Variants in CFTR observed in about 807,000 individuals in gnomAD.
The protein encoded by CFTR is cystic fibrosis transmembrane conductance regulator.
In CFTR, 181 loss-of-function variants were observed where a neutral mutation model predicts 171.6. The observed-to-expected ratio is 1.05, with a 90% CI of 0.93 to 1.19. The LOEUF is 1.19. Ranked by LOEUF, CFTR falls within the 50% of genes most tolerant of loss-of-function variation. CFTR has a pLI of 0.00. For synonymous variants in CFTR, 583 were observed against 608.0 expected (o/e 0.96, Z 0.60); for missense variants, 1,968 against 1,734.7 (o/e 1.13, Z -2.39).
chr7:117,508,134 G>A (rs1289662550), intron 2 of CFTR, among the ~76,000 whole-genome samples: 1 of 152,190 alleles, frequency 6.6e-6, no homozygotes, highest in African/African-American at 2.4e-5. Flanking sequence ...ACAGTAATGG[G>A]AATAACCACT....
At chr7:117,489,385 T>C (rs576167686) in intron 1 of CFTR, among the ~76,000 whole-genome samples, 2 of 152,128 alleles carry the variant, frequency 1.3e-5, no homozygotes, top group African/African-American at 4.8e-5. Flanking sequence ...TGTGTATAGT[T>C]AATGTAGTGC....
rs1489718292 is a variant in CFTR at position 117,490,539 on chromosome 7, G to A, written c.53+10392G>A. Among the ~76,000 whole-genome samples the A allele has an allele frequency of 2.6e-5, 4 of 151,894 alleles. No individual in the cohort carries two copies. In the South Asian group the frequency reaches 6.2e-4, roughly 24 times the overall value. Reference sequence around the variant, plus strand: ...TTTTGTTCTATACAGGCCTTCAACCGATTGGATGAAGTTCACCTTTATTAG... The same window carrying A: ...TTTTGTTCTATACAGGCCTTCAACCAATTGGATGAAGTTCACCTTTATTAG... On this transcript the variant is annotated intron_variant, in intron 1 of 26. Coordinates refer to ENST00000003084, the MANE Select transcript of CFTR (RefSeq NM_000492.4).
At position 117,590,350 on chromosome 7, in the gene CFTR, T is replaced by A; in HGVS notation, c.1680-3T>A. Reference sequence around the variant, plus strand: ...TGTAATTTAATTTCCATTTTCTTTTTAGAGCAGTATACAAAGATGCTGATT... The same window carrying A: ...TGTAATTTAATTTCCATTTTCTTTTAAGAGCAGTATACAAAGATGCTGATT... On this transcript the variant is annotated splice_polypyrimidine_tract_variant and splice_region_variant and intron_variant, in intron 12 of 26. Transcript: ENST00000003084. The A allele has an allele frequency of 6.2e-7, 1 of 1,602,132 alleles. No individual in the cohort carries two copies.
intron 11 of CFTR, among the ~76,000 whole-genome samples, chr7:117,563,698 G>A (rs973501183): frequency 2.0e-5 from 3 of 152,254 alleles, no homozygotes; most frequent in Middle Eastern, 3.4e-3. Flanking sequence ...ACTAGTGGAG[G>A]ATGCCACTAG....
At chr7:117,570,780 T>G (rs556607268) in intron 11 of CFTR, among the ~76,000 whole-genome samples, 1 of 152,332 alleles carries the variant, frequency 6.6e-6, no homozygotes, top group East Asian at 1.9e-4. Flanking sequence ...TGTAGCAGTA[T>G]TATTAAACTA....
chr7:117,653,742 T>G (rs111851741), intron 24 of CFTR, among the ~76,000 whole-genome samples: 3 of 152,316 alleles, frequency 2.0e-5, no homozygotes, highest in Non-Finnish European at 2.9e-5. Flanking sequence ...CTTAACTTGT[T>G]CCAGCATCAA....
chr7:117,513,735 G>T (rs927068815), intron 3 of CFTR, among the ~76,000 whole-genome samples: 3 of 152,108 alleles, frequency 2.0e-5, no homozygotes, highest in African/African-American at 7.2e-5. Context: ...GCTATCTCCA[G>T]CAAATCTTCT....
chr7:117,594,263 C>T (rs1045010866), intron 14 of CFTR, among the ~76,000 whole-genome samples: 1 of 152,182 alleles, frequency 6.6e-6, no homozygotes, highest in Admixed American at 6.5e-5. Context: ...CTTTGTGATT[C>T]ATAGCACTTT....
chr7:117,661,826 T>A (rs997521932), intron 24 of CFTR, among the ~76,000 whole-genome samples: 3 of 152,108 alleles, frequency 2.0e-5, no homozygotes, highest in Non-Finnish European at 2.9e-5. Flanking sequence ...AATATTATTA[T>A]TTTCTCCATT....
At chr7:117,494,798 ATCAC>A (rs1349542587) in intron 1 of CFTR, among the ~76,000 whole-genome samples, 1 of 152,172 alleles carries the variant, frequency 6.6e-6, no homozygotes, top group East Asian at 1.9e-4. Context: ...ATATCCTTAT[ATCAC>A]TCATGTGATT....
At chr7:117,579,379 G>C (rs1264757973) in intron 11 of CFTR, among the ~76,000 whole-genome samples, 8 of 151,740 alleles carry the variant, frequency 5.3e-5, no homozygotes, top group African/African-American at 1.9e-4. Flanking sequence ...CACCTAAGAA[G>C]AAAAAATAAA....
At chr7:117,587,155 G>A (rs1302216486) in intron 11 of CFTR, among the ~76,000 whole-genome samples, 1 of 152,142 alleles carries the variant, frequency 6.6e-6, no homozygotes, top group Non-Finnish European at 1.5e-5. Flanking sequence ...ATGGAGAGAG[G>A]TCGTGAGAAT....
chr7:117,593,725 A>G (rs1308324488), intron 14 of CFTR, among the ~76,000 whole-genome samples: 2 of 152,074 alleles, frequency 1.3e-5, no homozygotes, highest in Non-Finnish European at 2.9e-5. Context: ...CCTCCTGAGT[A>G]GCTGAGATTA....
chr7:117,587,587 G>T lies in CFTR; in HGVS notation c.1585-152G>T, dbSNP rs34114986. The T allele has an allele frequency of 2.6e-3, 1,415 of 551,514 alleles. 14 individuals are homozygous for T. The highest frequency in any genetic ancestry group is 0.023 in the African/African-American group (1,237 of 52,722). 34.2% of individuals were successfully genotyped at this position (551,514 alleles called of 1,614,324 possible). ...TTGTTTTTGACCAACTAAATAAATT[G>T]CATTTGAAATAATGGAGATGCAATG... is the stretch of plus-strand genomic sequence containing the variant. On this transcript the variant is annotated intron_variant, in intron 11 of 26. Coordinates refer to ENST00000003084, the MANE Select transcript of CFTR (RefSeq NM_000492.4).
intron 1 of CFTR, among the ~76,000 whole-genome samples, chr7:117,503,658 C>T (rs1798367170): frequency 6.6e-6 from 1 of 152,060 alleles, no homozygotes; most frequent in African/African-American, 2.4e-5. Context: ...AGTGAGGAGA[C>T]AAAACATAAG....
intron 24 of CFTR, among the ~76,000 whole-genome samples, chr7:117,659,579 A>T (rs569368278): frequency 6.6e-6 from 1 of 152,300 alleles, no homozygotes; most frequent in South Asian, 2.1e-4. Flanking sequence ...CTTGACTGGG[A>T]CAGCTGGCAG....
Position 117,603,610 on chromosome 7 carries a change from G to C in CFTR, c.2736G>C (p.Ser912=), listed in dbSNP as rs200901072. 5.0e-6 allele frequency: 8 copies of C among 1,613,996 alleles called. No individual in the cohort carries two copies. The African/African-American group carries it at 1.1e-4, about 22-fold the overall frequency. The change falls in exon 17 of 27, where the codon TCG becomes TCC. Residue 912 remains serine, a synonymous_variant. Transcript: ENST00000003084. ...CAGTGATTATCACCAGCACCAGTTC[G>C]TATTATGTGTTTTACATTTACGTGG... is the stretch of plus-strand genomic sequence containing the variant. ...SYAVIITSTS[S]YYVFYIYVGV...
intron 17 of CFTR, 92 bp downstream of exon 17, chr7:117,603,874 G>T (rs1201880333): frequency 8.6e-6 from 12 of 1,387,552 alleles, no homozygotes; most frequent in Non-Finnish European, 1.2e-5. Flanking sequence ...GCTGGCTTTT[G>T]CACAGAGGCA....
At chr7:117,606,889 C>A in intron 18 of CFTR, 136 bp downstream of exon 18, 1 of 692,482 alleles carries the variant, frequency 1.4e-6, no homozygotes, top group Admixed American at 2.2e-5. Flanking sequence ...TGTAATTATC[C>A]AAAGCCTTCA....
Sources: allele counts gnomAD v4.1 joint callset (sites outside exome capture counted in the v4.1 genomes callset), GRCh38; gene constraint gnomAD v4.1.1; transcripts MANE v1.5; gene names NCBI Gene and HGNC (gene_info 2026-07-23, HGNC 2026-07-21).